The following PTPRG variants were observed in gnomAD, a reference collection of about 807,000 sequenced individuals.
PTPRG encodes the protein protein tyrosine phosphatase receptor type G.
Under a neutral mutation model 165.3 loss-of-function variants are expected in PTPRG, and 102 were observed. That is an observed-to-expected ratio of 0.62 (90% CI 0.53 to 0.73). The LOEUF (loss-of-function observed/expected upper bound fraction) is 0.73, where lower values mean the gene tolerates loss of function less well. Among genes scored for constraint, PTPRG ranks in the 30% least tolerant of loss-of-function variants. The pLI is 0.00. For missense variants in PTPRG, 1,866 were observed against 1,861.4 expected (o/e 1.00, Z -0.05); for synonymous variants, 675 against 669.5 (o/e 1.01, Z -0.13).
chr3:61,664,295 C>T (rs1002939704), intron 1 of PTPRG, among the ~76,000 whole-genome samples: 10 of 152,262 alleles, frequency 6.6e-5, no homozygotes, highest in African/African-American at 2.4e-4. Context: ...CATAGTTACC[C>T]AGCAGGAAGC....
At chr3:62,038,305 T>C (rs959727015) in intron 4 of PTPRG, among the ~76,000 whole-genome samples, 3 of 152,230 alleles carry the variant, frequency 2.0e-5, no homozygotes, top group African/African-American at 2.4e-5. Flanking sequence ...CATAGTAAAA[T>C]GAGAGTTTGT....
chr3:62,173,897 A>T (rs1705316947), intron 8 of PTPRG, among the ~76,000 whole-genome samples: 1 of 152,206 alleles, frequency 6.6e-6, no homozygotes, highest in African/African-American at 2.4e-5. Context: ...AGGGCCCCTT[A>T]AGAAAGAAGT....
chr3:61,836,202 GTCTCT>G (rs1190429459), intron 2 of PTPRG, among the ~76,000 whole-genome samples: 1 of 151,870 alleles, frequency 6.6e-6, no homozygotes, highest in Non-Finnish European at 1.5e-5. Context: ...TACCTTCCTT[GTCTCT>G]TCTCTTTCCA....
chr3:61,970,806 A>AT (rs143565283), intron 2 of PTPRG, among the ~76,000 whole-genome samples: 13,510 of 152,210 alleles, frequency 0.089, 730 homozygotes, highest in Non-Finnish European at 0.11. Context: ...CAATAAAGGA[A>AT]TTTGAACCAA....
At chr3:62,144,203 A>G (rs1221763709) in intron 6 of PTPRG, among the ~76,000 whole-genome samples, 2 of 152,194 alleles carry the variant, frequency 1.3e-5, no homozygotes, top group Non-Finnish European at 2.9e-5. Context: ...AAGTTTGTCA[A>G]TCCTACCTCA....
intron 2 of PTPRG, among the ~76,000 whole-genome samples, chr3:61,762,347 G>A (rs1006372974): frequency 8.5e-5 from 13 of 152,132 alleles, no homozygotes; most frequent in African/African-American, 3.1e-4. Context: ...GCTTCTGGCT[G>A]GGCATGGCGG....
intron 2 of PTPRG, among the ~76,000 whole-genome samples, chr3:61,793,714 G>T (rs1242588250): frequency 2.6e-5 from 4 of 152,156 alleles, no homozygotes; most frequent in Non-Finnish European, 4.4e-5. Flanking sequence ...CAGAAGTCCA[G>T]TCCAGTACAG....
Position 61,941,252 on chromosome 3 carries a change from A to G in PTPRG, c.191-48373A>G, listed in dbSNP as rs2039620076. ...TTCATCCATGTAAAGGGCTTCGCCC[A>G]GTGCCTGAAATCTATGACTCTCATT... is the stretch of plus-strand genomic sequence containing the variant. On this transcript the variant is annotated intron_variant, in intron 2 of 29. Transcript: ENST00000474889. Among the ~76,000 whole-genome samples the G allele has an allele frequency of 2.0e-5, 3 of 152,266 alleles. No homozygotes were observed. In the South Asian group the frequency reaches 6.2e-4, roughly 31 times the overall value.
intron 2 of PTPRG, among the ~76,000 whole-genome samples, chr3:61,985,423 C>A (rs1334981935): frequency 1.3e-5 from 2 of 152,162 alleles, no homozygotes; most frequent in African/African-American, 4.8e-5. Context: ...CATTTACAAG[C>A]CAGTAACAGA....
intron 3 of PTPRG, among the ~76,000 whole-genome samples, chr3:62,000,249 C>G (rs2041138618): frequency 6.7e-6 from 1 of 149,854 alleles, no homozygotes; most frequent in Non-Finnish European, 1.5e-5. Context: ...TCATTGCGCT[C>G]CAGCCTGGGC....
At chr3:61,678,312 G>A (rs1051081265) in intron 1 of PTPRG, among the ~76,000 whole-genome samples, 1 of 151,856 alleles carries the variant, frequency 6.6e-6, no homozygotes, top group Non-Finnish European at 1.5e-5. Context: ...AATGAAGGAA[G>A]CGATAGATAT....
intron 9 of PTPRG, among the ~76,000 whole-genome samples, chr3:62,193,078 C>T (rs1699878776): frequency 6.6e-6 from 1 of 152,100 alleles, no homozygotes; most frequent in South Asian, 2.1e-4. Context: ...TGAAAGGCAC[C>T]CAAGGTTATG....
At chr3:61,647,688 A>T (rs946006331) in intron 1 of PTPRG, among the ~76,000 whole-genome samples, 1 of 148,308 alleles carries the variant, frequency 6.7e-6, no homozygotes, top group Non-Finnish European at 1.5e-5. Flanking sequence ...GCTACTTGGG[A>T]GGCTGAGGCA....
chr3:61,633,633 T>C (rs775625092), intron 1 of PTPRG, among the ~76,000 whole-genome samples: 10 of 152,228 alleles, frequency 6.6e-5, no homozygotes, highest in Non-Finnish European at 1.3e-4. Flanking sequence ...CATTTGCAAA[T>C]AGAAATAGTT....
At chr3:62,075,198 G>A (rs1469134043) in intron 4 of PTPRG, among the ~76,000 whole-genome samples, 1 of 152,080 alleles carries the variant, frequency 6.6e-6, no homozygotes, top group African/African-American at 2.4e-5. Context: ...AAAGTATTTT[G>A]TATCACACGC....
intron 17 of PTPRG, chr3:62,263,687 T>C (rs1316625865): frequency 6.6e-6 from 1 of 152,248 alleles, no homozygotes; most frequent in Non-Finnish European, 1.5e-5. Context: ...CTTAAAGTTT[T>C]AGTGAAATAT....
In PTPRG at chr3:61,600,159, C is replaced by CAAAAA. The variant is rs376881197; in HGVS notation, c.85+37798_85+37802dup. ...TGGGCGACAGAGTGAGACATTGTCT[C>CAAAAA]AAAAAAAAAAAAAAATATATATATA... On this transcript the variant is annotated intron_variant, in intron 1 of 29. Coordinates refer to ENST00000474889, the MANE Select transcript of PTPRG (RefSeq NM_002841.4). Among the ~76,000 whole-genome samples the CAAAAA allele has an allele frequency of 6.6e-3, 744 of 113,402 alleles. 5 individuals are homozygous for CAAAAA. Among genetic ancestry groups the CAAAAA allele is most frequent in the African/African-American group, 0.025 (680 of 27,426 alleles). The allele number at this position is 113,402 out of a possible 152,430, so 74.4% of individuals were successfully genotyped here. A position where few individuals can be genotyped will look rare whatever the true frequency, so the allele number is the denominator to read the frequency against.
At chr3:61,906,475 A>C (rs937117988) in intron 2 of PTPRG, among the ~76,000 whole-genome samples, 6 of 151,752 alleles carry the variant, frequency 4.0e-5, no homozygotes, top group South Asian at 2.1e-4. Flanking sequence ...GGAAAAAAAA[A>C]CATATATATA....
At chr3:61,724,776 C>A (rs1213155276) in intron 1 of PTPRG, among the ~76,000 whole-genome samples, 1 of 152,060 alleles carries the variant, frequency 6.6e-6, no homozygotes, top group African/African-American at 2.4e-5. Flanking sequence ...TGCTCATTTG[C>A]TGTCCTGTCT....
Sources: allele counts gnomAD v4.1 joint callset (sites outside exome capture counted in the v4.1 genomes callset), GRCh38; gene constraint gnomAD v4.1.1; transcripts MANE v1.5; gene names NCBI Gene and HGNC (gene_info 2026-07-23, HGNC 2026-07-21).